Variants in PTPRG observed in about 807,000 individuals in gnomAD.
PTPRG encodes receptor-type tyrosine-protein phosphatase gamma.
In PTPRG, 102 loss-of-function variants were observed where a neutral mutation model predicts 165.3. The ratio of observed to expected loss-of-function variants is 0.62; its 90% CI spans 0.53 to 0.73. PTPRG has a LOEUF of 0.73. Among genes scored for constraint, PTPRG ranks in the 30% least tolerant of loss-of-function variants. PTPRG has a pLI of 0.00. For missense variants in PTPRG, 1,866 were observed against 1,861.4 expected (o/e 1.00, Z -0.05); for synonymous variants, 675 against 669.5 (o/e 1.01, Z -0.13).
chr3:61,891,296 A>G (rs1442939389), intron 2 of PTPRG, among the ~76,000 whole-genome samples: 3 of 151,956 alleles, frequency 2.0e-5, no homozygotes, highest in African/African-American at 7.2e-5. Flanking sequence ...CTCCATCTCC[A>G]AAAAAAATAA....
chr3:61,861,036 G>A (rs2037255512), intron 2 of PTPRG, among the ~76,000 whole-genome samples: 1 of 151,382 alleles, frequency 6.6e-6, no homozygotes, highest in South Asian at 2.1e-4. Flanking sequence ...TCAAGATGTT[G>A]TATAAAAGGA....
intron 2 of PTPRG, among the ~76,000 whole-genome samples, chr3:61,867,626 C>G (rs544668574): frequency 6.6e-6 from 1 of 152,250 alleles, no homozygotes; most frequent in Non-Finnish European, 1.5e-5. Context: ...AATGGGATCT[C>G]AGGGCATGGT....
intron 1 of PTPRG, among the ~76,000 whole-genome samples, chr3:61,587,122 A>G (rs978125025): frequency 1.3e-5 from 2 of 152,226 alleles, no homozygotes; most frequent in African/African-American, 4.8e-5. Context: ...TATTTGTAGC[A>G]CTGATGGCAA....
At chr3:61,823,424 G>C (rs904336630) in intron 2 of PTPRG, among the ~76,000 whole-genome samples, 1 of 152,090 alleles carries the variant, frequency 6.6e-6, no homozygotes, top group East Asian at 1.9e-4. Context: ...TCCTGACCTC[G>C]TGATCCACCG....
chr3:61,741,984 T>C (rs2106883660), intron 1 of PTPRG, among the ~76,000 whole-genome samples: 1 of 152,346 alleles, frequency 6.6e-6, no homozygotes, highest in Non-Finnish European at 1.5e-5. Flanking sequence ...ATATTCAATA[T>C]AGACTCAGTG....
At chr3:61,591,114 G>C (rs1476073106) in intron 1 of PTPRG, among the ~76,000 whole-genome samples, 1 of 152,190 alleles carries the variant, frequency 6.6e-6, no homozygotes, top group African/African-American at 2.4e-5. Flanking sequence ...AATGTAATTA[G>C]GCATTCTCCT....
intron 2 of PTPRG, among the ~76,000 whole-genome samples, chr3:61,983,368 G>C (rs981328277): frequency 1.3e-5 from 2 of 152,076 alleles, no homozygotes; most frequent in African/African-American, 4.8e-5. Flanking sequence ...GTTGCTATTG[G>C]TTAAAAGTAG....
chr3:61,917,958 AAAG>A (rs909771742), intron 2 of PTPRG, among the ~76,000 whole-genome samples: 1 of 140,110 alleles, frequency 7.1e-6, no homozygotes, highest in Non-Finnish European at 1.7e-5. Flanking sequence ...TAAATAAATA[AAAG>A]AAGAAGAAGA....
intron 4 of PTPRG, among the ~76,000 whole-genome samples, chr3:62,050,083 A>G (rs554687452): frequency 6.6e-6 from 1 of 152,344 alleles, no homozygotes; most frequent in Non-Finnish European, 1.5e-5. Flanking sequence ...AGAAATTGTT[A>G]AAAGAGGTGC....
At chr3:62,090,821 G>A (rs1316743532) in intron 5 of PTPRG, among the ~76,000 whole-genome samples, 1 of 152,146 alleles carries the variant, frequency 6.6e-6, no homozygotes, top group Non-Finnish European at 1.5e-5. Flanking sequence ...GAGTCCCTTT[G>A]ATTCTGAAAT....
intron 4 of PTPRG, among the ~76,000 whole-genome samples, chr3:62,016,516 C>T (rs1455015843): frequency 6.6e-6 from 1 of 152,152 alleles, no homozygotes; most frequent in Non-Finnish European, 1.5e-5. Flanking sequence ...CATGAAGCAA[C>T]AGATCCCCAA....
intron 28 of PTPRG, among the ~76,000 whole-genome samples, chr3:62,291,003 C>G (rs1702869762): frequency 6.6e-6 from 1 of 152,030 alleles, no homozygotes; most frequent in Non-Finnish European, 1.5e-5. Flanking sequence ...CTCACAAGTA[C>G]TACAGACACT....
chr3:62,166,731 C>G (rs1220980944), intron 7 of PTPRG, among the ~76,000 whole-genome samples: 1 of 152,058 alleles, frequency 6.6e-6, no homozygotes, highest in African/African-American at 2.4e-5. Context: ...ACTCTGTCAC[C>G]CAGACTGGAG....
chr3:61,654,714 T>G (rs1702460758), intron 1 of PTPRG, among the ~76,000 whole-genome samples: 1 of 151,420 alleles, frequency 6.6e-6, no homozygotes, highest in Non-Finnish European at 1.5e-5. Context: ...TGCTTTCTTG[T>G]ATGCAGCCCA....
intron 2 of PTPRG, among the ~76,000 whole-genome samples, chr3:61,772,580 T>A (rs985916920): frequency 7.2e-5 from 11 of 152,306 alleles, no homozygotes; most frequent in African/African-American, 2.6e-4. Flanking sequence ...ACTCTTTTCT[T>A]TTTTTAAGCA....
At chr3:62,078,098 A>C in intron 4 of PTPRG, 65 bp from the exon 5 acceptor site, 11,925 of 635,964 alleles carry the variant, frequency 0.019, no homozygotes, top group Non-Finnish European at 0.028. Context: ...TTATGGTACT[A>C]TTCTCTCAAC....
At chr3:61,907,673 G>C (rs1404186295) in intron 2 of PTPRG, among the ~76,000 whole-genome samples, 2 of 152,198 alleles carry the variant, frequency 1.3e-5, no homozygotes, top group Non-Finnish European at 2.9e-5. Context: ...GAACACAGAT[G>C]ATAACGATTG....
intron 1 of PTPRG, among the ~76,000 whole-genome samples, chr3:61,636,621 C>A (rs1372693809): frequency 2.0e-5 from 3 of 152,316 alleles, no homozygotes; most frequent in African/African-American, 7.2e-5. Context: ...CACGCCCAGC[C>A]TTGTTGTATC....
chr3:61,970,542 T>C (rs979684853), intron 2 of PTPRG, among the ~76,000 whole-genome samples: 4 of 152,214 alleles, frequency 2.6e-5, no homozygotes, highest in African/African-American at 9.6e-5. Flanking sequence ...TAGTTGTTAA[T>C]ATGCAACACA....
Sources: allele counts gnomAD v4.1 joint callset (sites outside exome capture counted in the v4.1 genomes callset), GRCh38; gene constraint gnomAD v4.1.1; transcripts MANE v1.5; gene names NCBI Gene and HGNC (gene_info 2026-07-23, HGNC 2026-07-21).